Variants in CRIM1 observed in about 807,000 individuals in gnomAD.
CRIM1 encodes cysteine-rich motor neuron 1 protein.
A neutral mutation model predicts 116.4 loss-of-function variants in CRIM1; 32 were observed. The ratio of observed to expected loss-of-function variants is 0.27; its 90% CI spans 0.21 to 0.37. The LOEUF is 0.37. Ranked by LOEUF, CRIM1 falls within the 10% of genes least tolerant of loss-of-function variation. The pLI is 1.00. For missense variants in CRIM1, 1,331 were observed against 1,354.8 expected (o/e 0.98, Z 0.28); for synonymous variants, 590 against 509.2 (o/e 1.16, Z -2.13).
At chr2:36,467,539 C>G (rs1298593734) in intron 5 of CRIM1, among the ~76,000 whole-genome samples, 1 of 152,106 alleles carries the variant, frequency 6.6e-6, no homozygotes, top group Non-Finnish European at 1.5e-5. Flanking sequence ...AAGCAGAGGT[C>G]TATTTTATAT....
chr2:36,359,973 A>G (rs557771767), intron 1 of CRIM1, among the ~76,000 whole-genome samples: 1 of 152,344 alleles, frequency 6.6e-6, no homozygotes, highest in African/African-American at 2.4e-5. Context: ...CCTAGAAGCC[A>G]GAGAAACAAG....
intron 8 of CRIM1, among the ~76,000 whole-genome samples, chr2:36,500,703 A>G (rs527305919): frequency 1.3e-5 from 2 of 152,242 alleles, no homozygotes; most frequent in Non-Finnish European, 2.9e-5. Flanking sequence ...CTGAATTAAA[A>G]TAAACTGCAC....
chr2:36,506,199 A>T (rs1398250717), intron 8 of CRIM1, among the ~76,000 whole-genome samples: 2 of 150,966 alleles, frequency 1.3e-5, no homozygotes, highest in Admixed American at 6.6e-5. Context: ...ACACACACAC[A>T]CACACACACA....
intron 13 of CRIM1, among the ~76,000 whole-genome samples, chr2:36,523,834 T>C (rs768590328): frequency 6.6e-6 from 1 of 152,162 alleles, no homozygotes; most frequent in Non-Finnish European, 1.5e-5. Context: ...CATGAGGACA[T>C]CTCCCTGTCC....
At chr2:36,432,747 A>G (rs941967307) in intron 2 of CRIM1, among the ~76,000 whole-genome samples, 2 of 152,090 alleles carry the variant, frequency 1.3e-5, no homozygotes, top group Non-Finnish European at 2.9e-5. Context: ...CCCTAGAACA[A>G]TAGGTCAGCA....
chr2:36,469,601 G>A (rs973560419), intron 5 of CRIM1, among the ~76,000 whole-genome samples: 11 of 152,068 alleles, frequency 7.2e-5, no homozygotes, highest in Non-Finnish European at 1.5e-5. Context: ...TGCTCCTCAT[G>A]TAAAATTTTG....
intron 8 of CRIM1, among the ~76,000 whole-genome samples, chr2:36,507,151 G>A (rs1050304653): frequency 6.6e-6 from 1 of 152,078 alleles, no homozygotes; most frequent in Non-Finnish European, 1.5e-5. Flanking sequence ...CCAGCCAGCC[G>A]CAGTCAGTCT....
At position 36,442,646 on chromosome 2, in the gene CRIM1, C is replaced by T. The variant is rs1377944759; in HGVS notation, c.780C>T (p.Cys260=). Residue 260 remains cysteine, a synonymous_variant, in exon 4 of 17, where the codon TGC becomes TGT. Coordinates refer to ENST00000280527, the MANE Select transcript of CRIM1 (RefSeq NM_016441.3). ...VFGVDCRTVE[C]PPVQQTACPP... ...GCGTGGACTGCAGGACTGTGGAATG[C>T]CCTCCTGTTCAGCAGACCGCGTGTC... 3.7e-6 allele frequency: 6 copies of T among 1,614,110 alleles called. No individual in the cohort carries two copies. Among genetic ancestry groups the T allele is most frequent in the Non-Finnish European group, 5.1e-6 (6 of 1,179,980 alleles).
intron 1 of CRIM1, among the ~76,000 whole-genome samples, chr2:36,385,387 C>T (rs904048152): frequency 6.6e-6 from 1 of 152,160 alleles, no homozygotes; most frequent in African/African-American, 2.4e-5. Context: ...GATCATTACA[C>T]CTTTTAAAAA....
chr2:36,483,308 AAAG>A (rs1480765397), intron 7 of CRIM1, among the ~76,000 whole-genome samples: 1 of 152,220 alleles, frequency 6.6e-6, no homozygotes, highest in Non-Finnish European at 1.5e-5. Context: ...TAAAAACAAA[AAAG>A]AGATTGGACG....
At chr2:36,458,970 C>T (rs1202792977) in intron 4 of CRIM1, among the ~76,000 whole-genome samples, 1 of 152,174 alleles carries the variant, frequency 6.6e-6, no homozygotes, top group Non-Finnish European at 1.5e-5. Context: ...CGTGGTATCT[C>T]TCACTTTTAA....
intron 13 of CRIM1, among the ~76,000 whole-genome samples, chr2:36,522,966 CT>C (rs1367930292): frequency 7.0e-6 from 1 of 142,854 alleles, no homozygotes; most frequent in Non-Finnish European, 1.5e-5. Flanking sequence ...TTTTTTTTTT[CT>C]TTTTTTAGAC....
At chr2:36,495,829 ATATGTTT>A (rs1680546712) in intron 7 of CRIM1, among the ~76,000 whole-genome samples, 1 of 152,124 alleles carries the variant, frequency 6.6e-6, no homozygotes, top group Non-Finnish European at 1.5e-5. Flanking sequence ...AAACTCTCAA[ATATGTTT>A]AACAATAATG....
intron 13 of CRIM1, among the ~76,000 whole-genome samples, chr2:36,534,087 G>A (rs1049656905): frequency 6.9e-6 from 1 of 144,812 alleles, no homozygotes; most frequent in Non-Finnish European, 1.5e-5. Context: ...GAAGGAGAGA[G>A]GGGAAAGGAA....
At chr2:36,537,259 A>G (rs848516) in intron 13 of CRIM1, 93 bp from the exon 14 acceptor site, 71,141 of 1,193,188 alleles carry the variant, frequency 0.06, 5,674 homozygotes, top group Admixed American at 0.28. Context: ...GCATACTGTG[A>G]TTATACAAAG....
intron 5 of CRIM1, among the ~76,000 whole-genome samples, chr2:36,467,512 A>G (rs1678145004): frequency 6.6e-6 from 1 of 152,236 alleles, no homozygotes; most frequent in Non-Finnish European, 1.5e-5. Context: ...TCAAAGATTC[A>G]TTATCATCAC....
chr2:36,375,446 G>A (rs2148318613), intron 1 of CRIM1, among the ~76,000 whole-genome samples: 1 of 152,232 alleles, frequency 6.6e-6, no homozygotes, highest in East Asian at 1.9e-4. Context: ...AATCCGCAAA[G>A]CAAATTGCAT....
chr2:36,481,855 C>T (rs1245824602), intron 7 of CRIM1, among the ~76,000 whole-genome samples: 1 of 152,194 alleles, frequency 6.6e-6, no homozygotes, highest in Non-Finnish European at 1.5e-5. Context: ...CTAGTGTCCT[C>T]ACCCATCTCT....
intron 14 of CRIM1, among the ~76,000 whole-genome samples, chr2:36,539,489 T>C (rs147393385): frequency 2.0e-4 from 30 of 152,216 alleles, no homozygotes; most frequent in African/African-American, 6.7e-4. Context: ...CTTGGAAGGT[T>C]TGGAGCAGGG....
Sources: allele counts gnomAD v4.1 joint callset (sites outside exome capture counted in the v4.1 genomes callset), GRCh38; gene constraint gnomAD v4.1.1; transcripts MANE v1.5; gene names NCBI Gene and HGNC (gene_info 2026-07-23, HGNC 2026-07-21).